The following FGD5 variants were observed in gnomAD, a reference collection of about 807,000 sequenced individuals.
The protein encoded by FGD5 is FYVE, RhoGEF and PH domain-containing protein 5.
A neutral mutation model predicts 133.4 loss-of-function variants in FGD5; 28 were observed. That is an observed-to-expected ratio of 0.21 (90% confidence interval 0.16 to 0.29). FGD5 has a LOEUF of 0.29. Ranked by LOEUF, FGD5 falls within the 10% of genes least tolerant of loss-of-function variation. The pLI, the probability that FGD5 is intolerant of heterozygous loss-of-function variation, is 1.00. For missense variants in FGD5, 1,858 were observed against 1,895.2 expected (o/e 0.98, Z 0.36); for synonymous variants, 810 against 776.5 (o/e 1.04, Z -0.72).
At position 14,922,618 on chromosome 3, in the gene FGD5, C is replaced by A. The variant is rs774385266; in HGVS notation, c.3807+70C>A. 62 of 1,516,392 alleles carry A rather than the reference C, an allele frequency of 4.1e-5. No homozygotes were observed. Among genetic ancestry groups the A allele is most frequent in the Non-Finnish European group, 5.4e-5 (61 of 1,133,040 alleles). 93.9% of individuals were successfully genotyped at this position (1,516,392 alleles called of 1,614,324 possible). On this transcript the variant is annotated intron_variant, in intron 15 of 19. Transcript: ENST00000285046. This position sits in a 1 kb window ranked among gnomAD's most constrained non-coding sequence, Gnocchi z 4.1. Reference sequence around the variant, plus strand: ...GGGGGAAGGGCATGTCCCTGCCCAGCCGGGGGCTCAGGGATGTCCAGCAGC... The same window carrying A: ...GGGGGAAGGGCATGTCCCTGCCCAGACGGGGGCTCAGGGATGTCCAGCAGC...
chr3:14,917,114 T>A lies in FGD5; in HGVS notation c.3406-135T>A. 1 of 667,236 alleles carries A rather than the reference T, an allele frequency of 1.5e-6. No individual in the cohort carries two copies. Among genetic ancestry groups the A allele is most frequent in the Non-Finnish European group, 2.4e-6 (1 of 410,224 alleles). The allele number at this position is 667,236 out of a possible 1,614,324, so 41.3% of individuals were successfully genotyped here. ...AGGGGCTCACATTTTGGCCGCAACGTTTTTGCTCACCTGTGGGGGTTACTG... is the reference window on the plus strand; with the variant it reads ...AGGGGCTCACATTTTGGCCGCAACGATTTTGCTCACCTGTGGGGGTTACTG... On this transcript the variant is annotated intron_variant, in intron 11 of 19. Transcript: ENST00000285046. The surrounding 1 kb of genome is among the most constrained non-coding windows in gnomAD (Gnocchi z 4.1).
At chr3:14,857,594 A>C (rs2125099673) in intron 1 of FGD5, among the ~76,000 whole-genome samples, 1 of 152,324 alleles carries the variant, frequency 6.6e-6, no homozygotes, top group South Asian at 2.1e-4. Flanking sequence ...GGGAGACTTC[A>C]GCAAGGAAAC....
chr3:14,921,980 A>C lies in FGD5; in HGVS notation c.3632A>C (p.Lys1211Thr). The change falls in exon 14 of 20, where the codon AAG (lysine) becomes ACG (threonine). Residue 1211 changes from lysine (K) to threonine (T), a missense_variant. This residue lies in a region of FGD5 where 1,824 missense variants were observed against 1,848.9 expected (regional missense o/e 0.99). Coordinates refer to ENST00000285046, the MANE Select transcript of FGD5 (RefSeq NM_152536.4). ...CLSRALPEDY[K>T]AQALAAFHHS... ...AGCAGAGCCCTCCCTGAGGACTACA[A>C]GGCCCAGGCGCTGGCTGCATTCCAC... 6.4e-7 allele frequency: 1 copy of C among 1,569,996 alleles called. No individual in the cohort carries two copies. Among genetic ancestry groups the C allele is most frequent in the Non-Finnish European group, 8.6e-7 (1 of 1,157,488 alleles).
At chr3:14,848,574 G>A (rs1239405247) in intron 1 of FGD5, among the ~76,000 whole-genome samples, 4 of 152,128 alleles carry the variant, frequency 2.6e-5, no homozygotes, top group Non-Finnish European at 5.9e-5. Flanking sequence ...ACCACAAAAA[G>A]CTTCCTTAAG....
chr3:14,918,709 C>T, intron 12 of FGD5, 45 bp from the exon 13 acceptor site: 2 of 1,582,782 alleles, frequency 1.3e-6, no homozygotes, highest in Non-Finnish European at 1.7e-6. Flanking sequence ...TCTACACTTG[C>T]CCCTCCCTGC....
intron 1 of FGD5, among the ~76,000 whole-genome samples, chr3:14,853,978 G>A (rs550707618): frequency 5.9e-5 from 9 of 152,010 alleles, no homozygotes; most frequent in African/African-American, 1.4e-4. Flanking sequence ...GAGACTAGGC[G>A]GGGGGTTTAG....
intron 10 of FGD5, among the ~76,000 whole-genome samples, chr3:14,910,297 T>C (rs1299135594): frequency 6.6e-6 from 1 of 152,194 alleles, no homozygotes; most frequent in Non-Finnish European, 1.5e-5. Flanking sequence ...CTTGTCAACT[T>C]GGCACCCGCA....
intron 1 of FGD5, among the ~76,000 whole-genome samples, chr3:14,825,664 G>A (rs143743678): frequency 2.9e-4 from 44 of 152,080 alleles, no homozygotes; most frequent in African/African-American, 3.1e-4. Context: ...AAAATGAAAT[G>A]AAATGTATCC....
At chr3:14,909,761 CT>C (rs201883392) in intron 10 of FGD5, among the ~76,000 whole-genome samples, 28,086 of 137,204 alleles carry the variant, frequency 0.2, 2,912 homozygotes, top group East Asian at 0.65. Flanking sequence ...CTTTTCTTTT[CT>C]TTTTTTTTTT....
chr3:14,910,909 C>T lies in FGD5; in HGVS notation c.3385C>T (p.Arg1129Trp), dbSNP rs752576987. The T allele has an allele frequency of 4.5e-5, 72 of 1,612,944 alleles. No individual in the cohort carries two copies. The highest frequency in any genetic ancestry group is 1.6e-4 in the Middle Eastern group (1 of 6,082). ...GATGAAAGTAACAGGGAAAAACAGA[C>T]GGCCCCGGCACCTATTTCTGGTAAG... Reference protein sequence around the residue: ...TLMKVTGKNRRPRHLFLMNDV... With the variant: ...TLMKVTGKNRWPRHLFLMNDV... Residue 1129 changes from arginine to tryptophan, a missense_variant, in exon 11 of 20, where the codon CGG (arginine) becomes TGG (tryptophan). Arg to Trp is a moderately radical substitution (Grantham distance 101). Around this residue, in one of 3 missense-constraint regions of FGD5, gnomAD observed 1,824 missense variants for 1,848.9 expected, o/e 0.99. Coordinates refer to ENST00000285046, the MANE Select transcript of FGD5 (RefSeq NM_152536.4).
At position 14,860,210 on chromosome 3, in the gene FGD5, G is replaced by A. The variant is rs148829265; in HGVS notation, c.2526-3918G>A. Among the ~76,000 whole-genome samples, 485 of 152,306 alleles carry A rather than the reference G, an allele frequency of 3.2e-3. 3 individuals carry two copies. The highest frequency in any genetic ancestry group is 0.011 in the African/African-American group (466 of 41,562). On this transcript the variant is annotated intron_variant, in intron 1 of 19. Coordinates refer to ENST00000285046, the MANE Select transcript of FGD5 (RefSeq NM_152536.4). ...TGACACCCCTAGGTATGCCGTGGCTGTGGCCCACAGGAATGTCTTGTCGTG... is the reference window on the plus strand; with the variant it reads ...TGACACCCCTAGGTATGCCGTGGCTATGGCCCACAGGAATGTCTTGTCGTG...
In FGD5 at chr3:14,922,401, G is replaced by C. The variant is rs1177311881; in HGVS notation, c.3670-10G>C. 1 of 1,562,364 alleles carries C rather than the reference G, an allele frequency of 6.4e-7. No homozygotes were observed. The highest frequency in any genetic ancestry group is 2.4e-5 in the East Asian group (1 of 41,820). ...CATTCCACATTACTCAGCCAATTCT[G>C]TTGCTGCAGATACGAGAGAGGCTGG... On this transcript the variant is annotated splice_polypyrimidine_tract_variant and intron_variant, in intron 14 of 19. Transcript: ENST00000285046. The surrounding 1 kb of genome is among the most constrained non-coding windows in gnomAD (Gnocchi z 4.1).
chr3:14,855,031 G>T (rs1559481451), intron 1 of FGD5, among the ~76,000 whole-genome samples: 1 of 152,006 alleles, frequency 6.6e-6, no homozygotes, highest in Non-Finnish European at 1.5e-5. Context: ...ATCCTTCCCA[G>T]CCTCTAGTAT....
chr3:14,862,244 G>A (rs1352430342), intron 1 of FGD5, among the ~76,000 whole-genome samples: 1 of 152,194 alleles, frequency 6.6e-6, no homozygotes, highest in Non-Finnish European at 1.5e-5. Context: ...AGCACCACCT[G>A]CTCCTGCTGC....
At chr3:14,918,144 A>G (rs924072016) in intron 12 of FGD5, among the ~76,000 whole-genome samples, 1 of 152,260 alleles carries the variant, frequency 6.6e-6, no homozygotes, top group African/African-American at 2.4e-5. Context: ...TTGGTCCTGA[A>G]GATGGGAACA....
chr3:14,886,570 G>T (rs748431), intron 4 of FGD5, among the ~76,000 whole-genome samples: 94,159 of 152,120 alleles, frequency 0.62, 29,759 homozygotes, highest in African/African-American at 0.69. Context: ...CGATGAGGCT[G>T]TGGCAAGGGT....
At chr3:14,885,397 A>G (rs542350220) in intron 4 of FGD5, among the ~76,000 whole-genome samples, 1 of 152,176 alleles carries the variant, frequency 6.6e-6, no homozygotes, top group South Asian at 2.1e-4. Context: ...CCAGGGAGTG[A>G]TTGCCTCCAG....
At chr3:14,813,640 AGACT>A in intron 1 of FGD5, among the ~76,000 whole-genome samples, 1 of 152,294 alleles carries the variant, frequency 6.6e-6, no homozygotes, top group South Asian at 2.1e-4. Flanking sequence ...AGAGCAAACC[AGACT>A]GACTGACTGG....
chr3:14,870,330 C>T (rs1449583559), intron 2 of FGD5, among the ~76,000 whole-genome samples: 2 of 152,132 alleles, frequency 1.3e-5, no homozygotes, highest in African/African-American at 2.4e-5. Flanking sequence ...TCAGGTCTTC[C>T]CTCAGGCCAT....
Sources: gnomAD v4.1 joint callset for allele counts (sites outside exome capture counted in the v4.1 genomes callset) on GRCh38, gnomAD v4.1.1 for gene constraint, gnomAD v4.1.1 regional missense constraint, Gnocchi (gnomAD v3.1) non-coding constraint, MANE v1.5 for transcripts, NCBI Gene and HGNC (gene_info 2026-07-23, HGNC 2026-07-21) for gene names.